The following STS variants were observed in gnomAD, a reference collection of about 807,000 sequenced individuals.
The protein encoded by STS is steryl-sulfatase.
STS carries 7 observed loss-of-function variants against 26.8 expected under a neutral mutation model. The observed-to-expected ratio is 0.26, with a 90% CI of 0.15 to 0.49. STS has a LOEUF of 0.49. Ranked by LOEUF, STS falls within the 20% of genes least tolerant of loss-of-function variation. The pLI is 0.98. For synonymous variants in STS, 199 were observed against 189.4 expected (o/e 1.05, Z -0.42); for missense variants, 434 against 465.6 (o/e 0.93, Z 0.63).
At chrX:7,195,663 T>C (rs149931285) in intron 2 of STS, among the ~76,000 whole-genome samples, 39 of 112,649 alleles carry the variant, frequency 3.5e-4, no homozygotes, top group African/African-American at 1.2e-3. Context: ...CTTAGAATGT[T>C]TGACTTTATG....
At chrX:7,325,318 A>T (rs1158438996) in intron 8 of STS, 21 bp from the exon 9 acceptor site, 1 of 1,209,876 alleles carries the variant, frequency 8.3e-7, no homozygotes, top group East Asian at 3.0e-5. Context: ...GTTGCCTCTT[A>T]CCTCTTTTTT....
intron 7 of STS, among the ~76,000 whole-genome samples, chrX:7,301,784 G>T: frequency 8.9e-6 from 1 of 111,948 alleles, no homozygotes; most frequent in Non-Finnish European, 1.9e-5. Flanking sequence ...GCCTTTCCCA[G>T]AATGTCCCAT....
chrX:7,253,790 C>G (rs1423385192), intron 3 of STS, among the ~76,000 whole-genome samples: 1 of 112,198 alleles, frequency 8.9e-6, no homozygotes, highest in Non-Finnish European at 1.9e-5. Flanking sequence ...AGGCCCTACC[C>G]TGTCGTCAGC....
In STS at chrX:7,352,124, G is replaced by A. The variant is rs1189835502; in HGVS notation, c.*1863G>A. 9.0e-6 allele frequency: 1 copy of A among 111,291 alleles called. No homozygotes were observed. Among genetic ancestry groups the A allele is most frequent in the African/African-American group, 3.3e-5 (1 of 30,638 alleles). The allele number at this position is 111,291 out of a possible 1,213,427, so 9.2% of individuals were successfully genotyped here. A position where few individuals can be genotyped will look rare whatever the true frequency, so the allele number is the denominator to read the frequency against. On this transcript the variant is annotated 3_prime_UTR_variant, in exon 11 of 11. Transcript: ENST00000674429. ...GAGAGGGTACTAGCTTACTGATGAT[G>A]TGTTAGGATTGCTACTGATGCTGTC...
Position 7,262,081 on chromosome X carries a change from G to A in STS, c.806+2309G>A, listed in dbSNP as rs140994000. On this transcript the variant is annotated intron_variant, in intron 6 of 10. Coordinates refer to ENST00000674429, the MANE Select transcript of STS (RefSeq NM_001320752.2). ...TCTATGTACTAGCTGCCCAACGGCT[G>A]AGGGAGCACCACACAATTTAAGTTT... 7.7e-4 allele frequency among the ~76,000 whole-genome samples: 86 copies of A among 112,265 alleles called. No homozygotes were observed. The East Asian group carries it at 0.02, about 26-fold the overall frequency.
chrX:7,291,384 A>C (rs551884409), intron 7 of STS, among the ~76,000 whole-genome samples: 2 of 111,830 alleles, frequency 1.8e-5, no homozygotes, highest in Admixed American at 1.9e-4. Context: ...TTACAACAGG[A>C]TTCTGTAAGT....
intron 10 of STS, among the ~76,000 whole-genome samples, chrX:7,344,092 T>A (rs1013627638): frequency 8.9e-6 from 1 of 112,309 alleles, no homozygotes; most frequent in African/African-American, 3.2e-5. Context: ...AAATAAAGTT[T>A]GTCTTATTTT....
At chrX:7,323,781 C>T (rs1389361440) in intron 8 of STS, among the ~76,000 whole-genome samples, 2 of 111,649 alleles carry the variant, frequency 1.8e-5, no homozygotes, top group Non-Finnish European at 3.8e-5. Context: ...ATGTTTCTTG[C>T]TGAAAGCTCT....
intron 7 of STS, among the ~76,000 whole-genome samples, chrX:7,296,640 A>C (rs1440086385): frequency 8.9e-6 from 1 of 112,410 alleles, no homozygotes; most frequent in Non-Finnish European, 1.9e-5. Context: ...CCATCTATGC[A>C]GGAAAACACT....
intron 1 of STS, among the ~76,000 whole-genome samples, chrX:7,170,803 A>G (rs1157157344): frequency 1.8e-5 from 2 of 111,334 alleles, no homozygotes; most frequent in East Asian, 5.6e-4. Flanking sequence ...TTTTAAAAAT[A>G]AAATGTCCTA....
chrX:7,348,796 G>A (rs1928637721), intron 10 of STS, among the ~76,000 whole-genome samples: 1 of 111,580 alleles, frequency 9.0e-6, no homozygotes, highest in African/African-American at 3.3e-5. Flanking sequence ...GGTATACGTT[G>A]CATGCCATTA....
intron 8 of STS, among the ~76,000 whole-genome samples, chrX:7,306,069 G>A (rs1297796019): frequency 9.0e-6 from 1 of 111,518 alleles, no homozygotes; most frequent in Non-Finnish European, 1.9e-5. Flanking sequence ...TGGGCATCAT[G>A]CTAGTCATTG....
intron 6 of STS, among the ~76,000 whole-genome samples, chrX:7,264,218 A>G (rs1923892083): frequency 8.9e-6 from 1 of 112,160 alleles, no homozygotes; most frequent in Non-Finnish European, 1.9e-5. Flanking sequence ...TGTCTTACCC[A>G]GGTGCCAGAG....
chrX:7,167,498 G>A (rs1304756200), intron 1 of STS, among the ~76,000 whole-genome samples: 1 of 111,955 alleles, frequency 8.9e-6, no homozygotes, highest in African/African-American at 3.2e-5. Context: ...TTACATGTGT[G>A]AGCCACCGCG....
At chrX:7,179,569 T>C (rs756909839) in intron 1 of STS, among the ~76,000 whole-genome samples, 13 of 112,563 alleles carry the variant, frequency 1.2e-4, no homozygotes, top group Non-Finnish European at 2.2e-4. Flanking sequence ...GGCTCTGATT[T>C]CAAAACCAAC....
chrX:7,269,212 A>G (rs745624458), intron 6 of STS, among the ~76,000 whole-genome samples: 8 of 93,673 alleles, frequency 8.5e-5, no homozygotes, highest in Non-Finnish European at 1.7e-4. Context: ...CGGGCTGAGC[A>G]TATTGTAACA....
intron 6 of STS, among the ~76,000 whole-genome samples, chrX:7,265,290 G>A (rs1416712678): frequency 3.6e-5 from 4 of 111,755 alleles, no homozygotes; most frequent in Admixed American, 2.9e-4. Flanking sequence ...CTCTCAAAAC[G>A]AGACAAGGTG....
intron 5 of STS, among the ~76,000 whole-genome samples, chrX:7,258,525 C>T (rs1246521694): frequency 2.7e-5 from 3 of 111,856 alleles, no homozygotes; most frequent in Non-Finnish European, 5.6e-5. Context: ...GACACACCCA[C>T]TGATTTTATC....
chrX:7,300,533 A>G (rs1482097778), intron 7 of STS, among the ~76,000 whole-genome samples: 1 of 111,980 alleles, frequency 8.9e-6, no homozygotes, highest in African/African-American at 3.2e-5. Flanking sequence ...AAAAAATTAA[A>G]TGTCGAATGG....
Sources: gnomAD v4.1 joint callset for allele counts (sites outside exome capture counted in the v4.1 genomes callset) on GRCh38, gnomAD v4.1.1 for gene constraint, MANE v1.5 for transcripts, NCBI Gene and HGNC (gene_info 2026-07-23, HGNC 2026-07-21) for gene names.